MYLK: variants seen among roughly 807,000 people sequenced by gnomAD.
The protein encoded by MYLK is myosin light chain kinase, smooth muscle.
MYLK carries 106 observed loss-of-function variants against 203.4 expected under a neutral mutation model. The observed-to-expected ratio is 0.52, with a 90% CI of 0.45 to 0.61. MYLK has a LOEUF of 0.61. Ranked by LOEUF, MYLK falls within the 20% of genes least tolerant of loss-of-function variation. The pLI is 0.00. For synonymous variants in MYLK, 867 were observed against 959.5 expected (o/e 0.90, Z 1.78); for missense variants, 2,072 against 2,442.3 (o/e 0.85, Z 3.20).
chr3:123,779,789 C>T (rs1049009956), intron 4 of MYLK, among the ~76,000 whole-genome samples: 1 of 152,190 alleles, frequency 6.6e-6, no homozygotes, highest in African/African-American at 2.4e-5. Flanking sequence ...AGGCAGGGGA[C>T]AGGGATTAAT....
intron 16 of MYLK, among the ~76,000 whole-genome samples, chr3:123,704,559 C>T (rs904501230): frequency 2.0e-5 from 3 of 152,110 alleles, no homozygotes; most frequent in Admixed American, 1.3e-4. Context: ...TCCTGTCCCA[C>T]CCTGAATCAT....
At chr3:123,673,629 C>T (rs574125747) in intron 20 of MYLK, among the ~76,000 whole-genome samples, 194 of 152,288 alleles carry the variant, frequency 1.3e-3, no homozygotes, top group African/African-American at 4.6e-3. Context: ...GGACATTCTG[C>T]AGGTCCAGAT....
intron 18 of MYLK, among the ~76,000 whole-genome samples, chr3:123,695,865 C>T (rs1394600350): frequency 6.6e-6 from 1 of 152,158 alleles, no homozygotes; most frequent in Non-Finnish European, 1.5e-5. Flanking sequence ...CCACAGAGCT[C>T]CCCTCAGCTC....
chr3:123,744,201 G>A (rs7631951), intron 5 of MYLK, among the ~76,000 whole-genome samples: 5,995 of 152,250 alleles, frequency 0.039, 402 homozygotes, highest in African/African-American at 0.13. Context: ...CGGTGATATA[G>A]AGCGAAAGTG....
chr3:123,844,822 G>T (rs1478357266), intron 2 of MYLK, among the ~76,000 whole-genome samples: 3 of 117,834 alleles, frequency 2.5e-5, no homozygotes, highest in Non-Finnish European at 3.4e-5. Flanking sequence ...CTCCTCAGTT[G>T]TTTTTTTTTT....
At chr3:123,717,801 C>G (rs965414612) in intron 13 of MYLK, among the ~76,000 whole-genome samples, 3 of 149,270 alleles carry the variant, frequency 2.0e-5, no homozygotes, top group African/African-American at 5.0e-5. Context: ...TTTTCCCTAG[C>G]CTGTGTTGGG....
chr3:123,736,866 C>G (rs1033227175), intron 8 of MYLK, among the ~76,000 whole-genome samples: 2 of 152,138 alleles, frequency 1.3e-5, no homozygotes, highest in Non-Finnish European at 1.5e-5. Context: ...GGGAAGGTGG[C>G]AGCCAAGCAC....
intron 3 of MYLK, among the ~76,000 whole-genome samples, chr3:123,799,180 C>T (rs57688777): frequency 6.2e-4 from 94 of 151,976 alleles, no homozygotes; most frequent in African/African-American, 2.1e-3. Context: ...CCTTACCCCC[C>T]TTACCCCTCA....
chr3:123,851,599 C>T (rs2030811110), intron 2 of MYLK, among the ~76,000 whole-genome samples: 1 of 152,152 alleles, frequency 6.6e-6, no homozygotes, highest in African/African-American at 2.4e-5. Context: ...GATTTTGTAT[C>T]CTAAGACTTT....
Position 123,612,072 on chromosome 3 carries a change from T to G in MYLK, c.*2033A>C, listed in dbSNP as rs1021330841. ...CTATAAGATATCCTTCTAGAATGATTGATATAGTACTAAGCTGATGCTCAA... is the reference window on the plus strand; with the variant it reads ...CTATAAGATATCCTTCTAGAATGATGGATATAGTACTAAGCTGATGCTCAA... On this transcript the variant is annotated 3_prime_UTR_variant, in exon 34 of 34. Coordinates refer to ENST00000360304, the MANE Select transcript of MYLK (RefSeq NM_053025.4). 1 of 152,508 alleles carries G rather than the reference T, an allele frequency of 6.6e-6. No individual in the cohort carries two copies. The highest frequency in any genetic ancestry group is 1.9e-4 in the East Asian group (1 of 5,200). 9.4% of individuals were successfully genotyped at this position (152,508 alleles called of 1,614,324 possible).
intron 2 of MYLK, among the ~76,000 whole-genome samples, chr3:123,860,526 T>C (rs1235948954): frequency 6.6e-6 from 1 of 152,088 alleles, no homozygotes; most frequent in Non-Finnish European, 1.5e-5. Context: ...GATTTCCCAA[T>C]AAAAGGCAAA....
intron 33 of MYLK, 75 bp from the exon 34 acceptor site, chr3:123,614,424 G>A: frequency 6.3e-7 from 1 of 1,580,024 alleles, no homozygotes; most frequent in Non-Finnish European, 8.7e-7. Flanking sequence ...CAAGCAACTT[G>A]TAAGCTACCA....
intron 3 of MYLK, among the ~76,000 whole-genome samples, chr3:123,830,227 C>T (rs192489506): frequency 1.5e-4 from 23 of 152,276 alleles, no homozygotes; most frequent in South Asian, 4.1e-4. Flanking sequence ...CTTTAAAGAA[C>T]GCCTTGCTCA....
chr3:123,821,916 C>T (rs148202633), intron 3 of MYLK, among the ~76,000 whole-genome samples: 121 of 152,226 alleles, frequency 7.9e-4, no homozygotes, highest in African/African-American at 2.4e-3. Context: ...CCCACTGCAA[C>T]GGTTTTGAGA....
intron 29 of MYLK, among the ~76,000 whole-genome samples, chr3:123,634,929 A>C (rs987438752): frequency 6.6e-5 from 10 of 152,242 alleles, no homozygotes; most frequent in African/African-American, 2.4e-4. Context: ...AGGTACTCAC[A>C]CAACCTACTA....
chr3:123,850,247 G>T (rs1418572179), intron 2 of MYLK, among the ~76,000 whole-genome samples: 1 of 152,086 alleles, frequency 6.6e-6, no homozygotes, highest in African/African-American at 2.4e-5. Context: ...ATCATCCTTT[G>T]GGTATATACC....
intron 22 of MYLK, among the ~76,000 whole-genome samples, chr3:123,665,780 A>AT (rs1346696647): frequency 1.3e-5 from 2 of 152,204 alleles, no homozygotes; most frequent in African/African-American, 4.8e-5. Flanking sequence ...AAATACTCAC[A>AT]TTTGCTTTTG....
At chr3:123,623,569 T>C (rs1385345917) in intron 31 of MYLK, 1 of 152,222 alleles carries the variant, frequency 6.6e-6, no homozygotes, top group Non-Finnish European at 1.5e-5. Flanking sequence ...CTAGGGCTTT[T>C]TATGAAAACC....
chr3:123,790,643 G>A (rs1308871432), intron 4 of MYLK, among the ~76,000 whole-genome samples: 1 of 152,228 alleles, frequency 6.6e-6, no homozygotes, highest in Non-Finnish European at 1.5e-5. Context: ...AAAAGGAAAT[G>A]GGGCAGAGTA....
Sources: allele counts gnomAD v4.1 joint callset (sites outside exome capture counted in the v4.1 genomes callset), GRCh38; gene constraint gnomAD v4.1.1; transcripts MANE v1.5; gene names NCBI Gene and HGNC (gene_info 2026-07-23, HGNC 2026-07-21).